SPTLC2: variants seen among roughly 807,000 people sequenced by gnomAD.
SPTLC2 encodes serine palmitoyltransferase long chain base subunit 2, also known as serine palmitoyltransferase 2.
In SPTLC2, 21 loss-of-function variants were observed where a neutral mutation model predicts 62.0. That is an observed-to-expected ratio of 0.34 (90% confidence interval 0.24 to 0.49). SPTLC2 has a LOEUF of 0.49. SPTLC2 is among the 20% of genes least tolerant of loss of function. The pLI, the probability that SPTLC2 is intolerant of heterozygous loss-of-function variation, is 0.99. For synonymous variants in SPTLC2, 261 were observed against 261.8 expected (o/e 1.00, Z 0.03); for missense variants, 511 against 713.0 (o/e 0.72, Z 3.23).
chr14:77,567,525 T>TTGGC (rs2079652134), intron 5 of SPTLC2, among the ~76,000 whole-genome samples: 1 of 152,244 alleles, frequency 6.6e-6, no homozygotes, highest in African/African-American at 2.4e-5. Context: ...GTTGAATATT[T>TTGGC]TGGCATGAAG....
At chr14:77,575,753 G>A (rs1203925807) in intron 4 of SPTLC2, among the ~76,000 whole-genome samples, 2 of 151,814 alleles carry the variant, frequency 1.3e-5, no homozygotes, top group Admixed American at 6.6e-5. Context: ...GACTGGTCTC[G>A]AACTCCTGGC....
chr14:77,540,033 C>T (rs1489699948), intron 9 of SPTLC2, among the ~76,000 whole-genome samples: 1 of 151,802 alleles, frequency 6.6e-6, no homozygotes, highest in African/African-American at 2.4e-5. Flanking sequence ...CCTGTCTCTA[C>T]TAAAAATACA....
intron 1 of SPTLC2, among the ~76,000 whole-genome samples, chr14:77,603,202 C>A (rs1447040798): frequency 6.6e-6 from 1 of 152,226 alleles, no homozygotes; most frequent in African/African-American, 2.4e-5. Flanking sequence ...TAAGCACATT[C>A]CAGCTGCATG....
intron 1 of SPTLC2, among the ~76,000 whole-genome samples, chr14:77,598,311 T>C (rs10139421): frequency 0.27 from 40,780 of 151,922 alleles, 5,600 homozygotes; most frequent in South Asian, 0.38. Context: ...TATTTGATTT[T>C]CTTAAATAGA....
intron 2 of SPTLC2, 121 bp downstream of exon 2, chr14:77,597,065 C>T: frequency 1.1e-6 from 1 of 912,394 alleles, no homozygotes; most frequent in Non-Finnish European, 1.7e-6. Context: ...CATTTAACTG[C>T]ATCTGGAATA....
At chr14:77,568,807 CAAA>C (rs35640441) in intron 5 of SPTLC2, among the ~76,000 whole-genome samples, 2 of 62,390 alleles carry the variant, frequency 3.2e-5, no homozygotes, top group Non-Finnish European at 3.5e-5. Flanking sequence ...GACTCTGTCT[CAAA>C]AAAAAAAAAA....
chr14:77,561,399 C>T (rs762343464), intron 6 of SPTLC2, among the ~76,000 whole-genome samples: 5 of 152,060 alleles, frequency 3.3e-5, no homozygotes, highest in Non-Finnish European at 5.9e-5. Flanking sequence ...CAACTGAAGT[C>T]GGGAGTTCAA....
At chr14:77,520,943 C>T (rs2079382241) in intron 10 of SPTLC2, among the ~76,000 whole-genome samples, 1 of 152,230 alleles carries the variant, frequency 6.6e-6, no homozygotes, top group East Asian at 1.9e-4. Context: ...CTTCTTTCTC[C>T]AGTGGCTGTC....
chr14:77,541,089 TG>T (rs1566774137), intron 9 of SPTLC2, among the ~76,000 whole-genome samples: 1 of 152,124 alleles, frequency 6.6e-6, no homozygotes, highest in Non-Finnish European at 1.5e-5. Flanking sequence ...GCTGGAGTGG[TG>T]TGATCTCAGC....
At chr14:77,589,269 G>A (rs902493372) in intron 2 of SPTLC2, among the ~76,000 whole-genome samples, 1 of 152,012 alleles carries the variant, frequency 6.6e-6, no homozygotes, top group African/African-American at 2.4e-5. Context: ...GTTAAAAACA[G>A]GAAGCCACTT....
intron 9 of SPTLC2, among the ~76,000 whole-genome samples, chr14:77,547,047 T>C (rs2079532014): frequency 6.6e-6 from 1 of 152,126 alleles, no homozygotes; most frequent in Non-Finnish European, 1.5e-5. Flanking sequence ...ATATTTTTAT[T>C]AGAGACAGGG....
chr14:77,586,078 CTTTTTTTT>C (rs57174185), intron 2 of SPTLC2, among the ~76,000 whole-genome samples: 1 of 137,480 alleles, frequency 7.3e-6, no homozygotes, highest in Non-Finnish European at 1.5e-5. Flanking sequence ...TTTCTTTTTT[CTTTTTTTT>C]TTTTTTTGAG....
At chr14:77,567,605 C>A (rs2079652589) in intron 5 of SPTLC2, among the ~76,000 whole-genome samples, 1 of 152,212 alleles carries the variant, frequency 6.6e-6, no homozygotes, top group African/African-American at 2.4e-5. Flanking sequence ...CTCTCTCATT[C>A]CTGTTACTGG....
intron 10 of SPTLC2, among the ~76,000 whole-genome samples, chr14:77,520,427 G>A (rs1288400451): frequency 6.6e-6 from 1 of 152,058 alleles, no homozygotes; most frequent in African/African-American, 2.4e-5. Flanking sequence ...CTGAGTGTCG[G>A]AGACTGTGGT....
intron 1 of SPTLC2, among the ~76,000 whole-genome samples, chr14:77,602,925 T>C (rs929364835): frequency 2.0e-5 from 3 of 152,286 alleles, no homozygotes; most frequent in East Asian, 1.9e-4. Flanking sequence ...ATATCCTCTA[T>C]AGCAAAAGAA....
At chr14:77,527,725 C>T (rs570213085) in intron 9 of SPTLC2, among the ~76,000 whole-genome samples, 12 of 119,890 alleles carry the variant, frequency 1.0e-4, no homozygotes, top group African/African-American at 3.2e-4. Context: ...ATTTTCTGAA[C>T]GCTCAAGACT....
At chr14:77,539,364 G>GA (rs2079486901) in intron 9 of SPTLC2, among the ~76,000 whole-genome samples, 1 of 142,800 alleles carries the variant, frequency 7.0e-6, no homozygotes, top group Admixed American at 7.1e-5. Flanking sequence ...ACCAAAAAGA[G>GA]AAAAAATTAA....
chr14:77,593,766 A>C (rs2079831766), intron 2 of SPTLC2, among the ~76,000 whole-genome samples: 1 of 152,182 alleles, frequency 6.6e-6, no homozygotes, highest in South Asian at 2.1e-4. Context: ...CTCTCAGTGA[A>C]ATGAGGAAGT....
At position 77,608,608 on chromosome 14, in the gene SPTLC2, T is replaced by C. The variant is rs149430880; in HGVS notation, c.132+7840A>G. On this transcript the variant is annotated intron_variant, in intron 1 of 11. Transcript: ENST00000216484. ...CAGACAACAGATAAGCAAATAGATA[T>C]ACTGTATCAGATCACACTGCTACAA... 3.1e-3 allele frequency among the ~76,000 whole-genome samples: 468 copies of C among 152,266 alleles called. 1 individual carries two copies. The highest frequency in any genetic ancestry group is 0.02 in the Middle Eastern group (6 of 294).
Sources: gnomAD v4.1 joint callset for allele counts (sites outside exome capture counted in the v4.1 genomes callset) on GRCh38, gnomAD v4.1.1 for gene constraint, MANE v1.5 for transcripts, NCBI Gene and HGNC (gene_info 2026-07-23, HGNC 2026-07-21) for gene names.